SEC63: variants seen among roughly 807,000 people sequenced by gnomAD.
SEC63 encodes translocation protein SEC63 homolog.
A neutral mutation model predicts 116.2 loss-of-function variants in SEC63; 56 were observed. The observed-to-expected ratio is 0.48, with a 90% CI of 0.39 to 0.60. The LOEUF is 0.60. Ranked by LOEUF, SEC63 falls within the 20% of genes least tolerant of loss-of-function variation. The probability of loss-of-function intolerance (pLI) is 0.00; values close to 1 mark genes in which losing one functional copy is unlikely to be tolerated. For missense variants in SEC63, 668 were observed against 900.0 expected (o/e 0.74, Z 3.30); for synonymous variants, 273 against 294.6 (o/e 0.93, Z 0.75).
chr6:107,915,009 TAATAA>T (rs1787366308), intron 4 of SEC63, among the ~76,000 whole-genome samples: 1 of 152,174 alleles, frequency 6.6e-6, no homozygotes, highest in Non-Finnish European at 1.5e-5. Context: ...ACATTCAATC[TAATAA>T]AATAAGTCAG....
chr6:107,916,034 G>A (rs1017801026), intron 4 of SEC63, among the ~76,000 whole-genome samples: 1 of 151,252 alleles, frequency 6.6e-6, no homozygotes, highest in Non-Finnish European at 1.5e-5. Context: ...TCAGAATAGT[G>A]ACCACACATC....
Position 107,901,078 on chromosome 6 carries a change from C to T in SEC63, c.1357+292G>A, listed in dbSNP as rs181901461. On this transcript the variant is annotated intron_variant, in intron 13 of 20. Coordinates refer to ENST00000369002, the MANE Select transcript of SEC63 (RefSeq NM_007214.5). ...TCATTCTTTTATTATGCCTGGAAGTCTTCATCATTCTTTGGAAAGTTAAGA... is the reference window on the plus strand; with the variant it reads ...TCATTCTTTTATTATGCCTGGAAGTTTTCATCATTCTTTGGAAAGTTAAGA... 2.9e-3 allele frequency among the ~76,000 whole-genome samples: 440 copies of T among 152,246 alleles called. 4 individuals are homozygous for T. Among genetic ancestry groups the T allele is most frequent in the Non-Finnish European group, 4.7e-4 (32 of 68,018 alleles).
intron 4 of SEC63, among the ~76,000 whole-genome samples, chr6:107,918,336 A>G (rs973707532): frequency 4.6e-5 from 7 of 152,178 alleles, no homozygotes; most frequent in African/African-American, 1.7e-4. Flanking sequence ...GTACAAACAG[A>G]TTAATGTTTT....
chr6:107,908,582 T>C (rs778492533), intron 8 of SEC63, among the ~76,000 whole-genome samples: 2 of 152,146 alleles, frequency 1.3e-5, no homozygotes, highest in South Asian at 2.1e-4. Context: ...AGCACTCACT[T>C]ACGAGAACAC....
At chr6:107,902,212 A>G (rs1787020933) in intron 12 of SEC63, among the ~76,000 whole-genome samples, 1 of 152,132 alleles carries the variant, frequency 6.6e-6, no homozygotes, top group South Asian at 2.1e-4. Context: ...GAGTACTTAA[A>G]AGGACAGAGA....
chr6:107,891,544 T>G (rs1322928101), intron 16 of SEC63, among the ~76,000 whole-genome samples: 1 of 152,102 alleles, frequency 6.6e-6, no homozygotes, highest in Non-Finnish European at 1.5e-5. Flanking sequence ...ATTACCCACC[T>G]TCTGAAACCT....
At chr6:107,943,400 T>C (rs1770417405) in intron 1 of SEC63, among the ~76,000 whole-genome samples, 1 of 152,248 alleles carries the variant, frequency 6.6e-6, no homozygotes, top group African/African-American at 2.4e-5. Flanking sequence ...ATACATTTTA[T>C]GCATTTATAA....
chr6:107,922,941 G>T (rs895467841), intron 3 of SEC63, among the ~76,000 whole-genome samples: 2 of 151,598 alleles, frequency 1.3e-5, no homozygotes, highest in South Asian at 4.1e-4. Flanking sequence ...TGGCTACTAA[G>T]TAAGAAGCTT....
intron 1 of SEC63, among the ~76,000 whole-genome samples, chr6:107,946,117 A>G (rs1241571060): frequency 1.3e-5 from 2 of 151,616 alleles, no homozygotes; most frequent in Admixed American, 6.6e-5. Context: ...TTGTATTTTT[A>G]GTAAAGACGG....
intron 1 of SEC63, among the ~76,000 whole-genome samples, chr6:107,953,569 T>TA (rs1562344334): frequency 4.9e-5 from 4 of 80,884 alleles, no homozygotes; most frequent in African/African-American, 2.1e-4. Context: ...GGGAGGGAGG[T>TA]GGGGGGGTCA....
intron 4 of SEC63, among the ~76,000 whole-genome samples, chr6:107,918,675 G>C (rs1441081780): frequency 6.7e-6 from 1 of 148,374 alleles, no homozygotes; most frequent in African/African-American, 2.5e-5. Context: ...CTGGGCAACA[G>C]AGTGAGACTC....
intron 5 of SEC63, 105 bp downstream of exon 5, chr6:107,913,261 G>T: frequency 1.2e-6 from 1 of 820,388 alleles, no homozygotes; most frequent in Non-Finnish European, 2.1e-6. Context: ...TAAACTCCAT[G>T]TGAGTATAAG....
At position 107,883,226 on chromosome 6, in the gene SEC63, T is replaced by C. The variant is rs550323047; in HGVS notation, c.1675-80A>G. The C allele has an allele frequency of 3.8e-5, 60 of 1,566,466 alleles. No homozygotes were observed. The Middle Eastern group carries it at 2.0e-3, about 53-fold the overall frequency. ...ATCTGAATCCCTGAAGTTAACTTAT[T>C]GTCAATTTAACTAAACTGACTCGAT... is the stretch of plus-strand genomic sequence containing the variant. On this transcript the variant is annotated intron_variant, in intron 16 of 20. Coordinates refer to ENST00000369002, the MANE Select transcript of SEC63 (RefSeq NM_007214.5).
intron 8 of SEC63, among the ~76,000 whole-genome samples, chr6:107,908,086 A>AT: frequency 6.6e-6 from 1 of 152,386 alleles, no homozygotes; most frequent in Non-Finnish European, 1.5e-5. Flanking sequence ...ACACAGTCAT[A>AT]TATGACCATG....
intron 16 of SEC63, among the ~76,000 whole-genome samples, chr6:107,885,843 T>C (rs888682983): frequency 2.6e-5 from 4 of 152,044 alleles, no homozygotes; most frequent in African/African-American, 9.7e-5. Flanking sequence ...TAAACAGACC[T>C]ACAGTATCAT....
chr6:107,888,133 G>A (rs1308443248), intron 16 of SEC63, among the ~76,000 whole-genome samples: 2 of 152,184 alleles, frequency 1.3e-5, no homozygotes, highest in Non-Finnish European at 2.9e-5. Flanking sequence ...TGTGAAGAAA[G>A]TCAATGGTAG....
At chr6:107,944,474 CATCACTT>C (rs1770440481) in intron 1 of SEC63, among the ~76,000 whole-genome samples, 1 of 151,904 alleles carries the variant, frequency 6.6e-6, no homozygotes, top group East Asian at 1.9e-4. Context: ...GAGGTGGGCA[CATCACTT>C]GAGGTCAGGA....
At chr6:107,933,669 TCTGCCCCTGCCCCTGCCC>T (rs747918203) in intron 1 of SEC63, among the ~76,000 whole-genome samples, 13 of 148,156 alleles carry the variant, frequency 8.8e-5, no homozygotes, top group African/African-American at 1.6e-4. Flanking sequence ...TGCCTCTGCC[TCTGCCCCTGCCCCTGCCC>T]CTGCCCCTGC....
chr6:107,871,662 T>G lies in SEC63; in HGVS notation c.*42A>C, dbSNP rs776210937. 6.2e-7 allele frequency: 1 copy of G among 1,608,170 alleles called. No homozygotes were observed. The highest frequency in any genetic ancestry group is 8.5e-7 in the Non-Finnish European group (1 of 1,177,362). On this transcript the variant is annotated 3_prime_UTR_variant, in exon 21 of 21. Coordinates refer to ENST00000369002, the MANE Select transcript of SEC63 (RefSeq NM_007214.5). ...GATACACTTCCAAAACAGCAAAAAA[T>G]TGCAAATATGTGCAAACACTGTGGT... is the stretch of plus-strand genomic sequence containing the variant.
Sources: allele counts gnomAD v4.1 joint callset (sites outside exome capture counted in the v4.1 genomes callset), GRCh38; gene constraint gnomAD v4.1.1; transcripts MANE v1.5; gene names NCBI Gene and HGNC (gene_info 2026-07-23, HGNC 2026-07-21).